The following MYO16 variants were observed in gnomAD, a reference collection of about 807,000 sequenced individuals.
MYO16 encodes unconventional myosin-XVI.
MYO16 carries 94 observed loss-of-function variants against 205.3 expected under a neutral mutation model. The ratio of observed to expected loss-of-function variants is 0.46; its 90% CI spans 0.39 to 0.54. The LOEUF is 0.54. MYO16 is among the 20% of genes least tolerant of loss of function. The pLI is 0.00. For synonymous variants in MYO16, 988 were observed against 954.0 expected (o/e 1.04, Z -0.66); for missense variants, 2,315 against 2,387.5 (o/e 0.97, Z 0.63).
At chr13:108,627,427 T>C (rs575081042), upstream of MYO16, among the ~76,000 whole-genome samples, 1 of 152,308 alleles carries the variant, frequency 6.6e-6, no homozygotes, top group East Asian at 1.9e-4. Flanking sequence ...GTTTTAGAGG[T>C]CTACATTTGT....
chr13:108,927,847 C>G (rs536727926), intron 16 of MYO16, among the ~76,000 whole-genome samples: 2 of 152,310 alleles, frequency 1.3e-5, no homozygotes, highest in South Asian at 4.1e-4. Context: ...ATCTGCACTC[C>G]GGAGTGCCCG....
intron 14 of MYO16, among the ~76,000 whole-genome samples, chr13:108,894,159 G>A (rs1006466579): frequency 1.1e-4 from 16 of 152,048 alleles, no homozygotes; most frequent in African/African-American, 1.5e-4. Flanking sequence ...GATCTCATGC[G>A]AATGCCTTCA....
chr13:109,133,713 G>A (rs1338974445), intron 31 of MYO16, among the ~76,000 whole-genome samples: 4 of 152,100 alleles, frequency 2.6e-5, no homozygotes, highest in Admixed American at 2.6e-4. Flanking sequence ...TCAAGTAGTT[G>A]CAAACATTTT....
At chr13:108,825,092 A>T (rs1230072621) in intron 9 of MYO16, among the ~76,000 whole-genome samples, 2 of 152,106 alleles carry the variant, frequency 1.3e-5, no homozygotes, top group Non-Finnish European at 2.9e-5. Flanking sequence ...ATCAGATAAA[A>T]ATATCAGATA....
At chr13:109,115,480 A>T (rs1173106490) in intron 28 of MYO16, among the ~76,000 whole-genome samples, 1 of 152,204 alleles carries the variant, frequency 6.6e-6, no homozygotes, top group Non-Finnish European at 1.5e-5. Context: ...TGCATCTAGC[A>T]GTGCACAGGG....
At chr13:109,170,273 C>T (rs1291095707) in intron 33 of MYO16, among the ~76,000 whole-genome samples, 3 of 151,932 alleles carry the variant, frequency 2.0e-5, no homozygotes, top group East Asian at 3.9e-4. Context: ...CTTAGAAAAA[C>T]AATTTTAATG....
chr13:108,671,369 G>A (rs1012777418), intron 2 of MYO16, among the ~76,000 whole-genome samples: 3 of 152,132 alleles, frequency 2.0e-5, no homozygotes, highest in African/African-American at 7.2e-5. Flanking sequence ...ATGCTATATT[G>A]TTAATGCCTT....
At chr13:108,627,606 C>T (rs139618147), upstream of MYO16, among the ~76,000 whole-genome samples, 688 of 152,204 alleles carry the variant, frequency 4.5e-3, 6 homozygotes, top group African/African-American at 0.014. Context: ...TGATAATGAG[C>T]CCCTGGAGAT....
intron 20 of MYO16, among the ~76,000 whole-genome samples, chr13:108,990,538 T>A (rs1049110418): frequency 6.6e-6 from 1 of 152,212 alleles, no homozygotes; most frequent in Admixed American, 6.5e-5. Context: ...GCATTTGTTT[T>A]CTTATACCAT....
In MYO16 at chr13:109,100,867, T is replaced by G; in HGVS notation, c.3418T>G (p.Cys1140Gly). The G allele has an allele frequency of 1.2e-6, 2 of 1,612,920 alleles. No individual in the cohort carries two copies. The highest frequency in any genetic ancestry group is 1.7e-6 in the Non-Finnish European group (2 of 1,179,012). Residue 1140 changes from cysteine to glycine, a missense_variant, in exon 28 of 35, where the codon TGT becomes GGT. Transcript: ENST00000457511. ...GCGATGTCGACTTGTTCTCCAGCAGTGTAAATTACAAGGCTGGCAGGTTGG... is the reference window on the plus strand; with the variant it reads ...GCGATGTCGACTTGTTCTCCAGCAGGGTAAATTACAAGGCTGGCAGGTTGG... ...AERCRLVLQQ[C>G]KLQGWQMGVR...
At chr13:108,671,231 A>C (rs1267295193) in intron 2 of MYO16, among the ~76,000 whole-genome samples, 1 of 152,216 alleles carries the variant, frequency 6.6e-6, no homozygotes, top group East Asian at 1.9e-4. Context: ...TAAGGTGCTC[A>C]AAGTGATAGG....
Position 108,632,383 on chromosome 13 carries a change from C to G in MYO16, c.28+2511C>G, listed in dbSNP as rs115275382. Among the ~76,000 whole-genome samples the G allele has an allele frequency of 3.6e-3, 550 of 152,258 alleles. 3 individuals are homozygous for G. Among genetic ancestry groups the G allele is most frequent in the African/African-American group, 0.013 (539 of 41,554 alleles). On this transcript the variant is annotated intron_variant, in intron 1 of 34. Transcript: ENST00000457511. ...AAGTGGATGAATTCCAGGGCAGGAG[C>G]AGGACCTTCTGAAATGTGCAACATT...
intron 4 of MYO16, among the ~76,000 whole-genome samples, chr13:108,764,679 T>C (rs914237567): frequency 2.4e-4 from 36 of 152,160 alleles, no homozygotes; most frequent in African/African-American, 8.4e-4. Context: ...GAACCCATGA[T>C]TTCTTTTCTT....
At chr13:109,114,040 A>G (rs1296078566) in intron 28 of MYO16, among the ~76,000 whole-genome samples, 1 of 152,196 alleles carries the variant, frequency 6.6e-6, no homozygotes, top group Non-Finnish European at 1.5e-5. Flanking sequence ...AAGTAAGAGG[A>G]GAATTCAGTG....
At chr13:109,007,820 C>G (rs1040751975) in intron 21 of MYO16, among the ~76,000 whole-genome samples, 1 of 151,884 alleles carries the variant, frequency 6.6e-6, no homozygotes, top group Non-Finnish European at 1.5e-5. Flanking sequence ...ATAATTTCTT[C>G]AATATAATGA....
intron 10 of MYO16, among the ~76,000 whole-genome samples, chr13:108,849,619 TTG>T (rs60404877): frequency 0.059 from 4,932 of 83,730 alleles, 319 homozygotes; most frequent in East Asian, 0.13. Flanking sequence ...ATTTCCTCTT[TTG>T]TGTGTGTGTG....
At chr13:109,128,270 C>T (rs554776939) in intron 31 of MYO16, among the ~76,000 whole-genome samples, 5 of 152,200 alleles carry the variant, frequency 3.3e-5, no homozygotes, top group Admixed American at 6.5e-5. Flanking sequence ...CATTCTAGTG[C>T]GGCAAAACAG....
intron 9 of MYO16, among the ~76,000 whole-genome samples, chr13:108,837,100 G>C (rs1273484615): frequency 1.3e-5 from 2 of 152,176 alleles, no homozygotes; most frequent in African/African-American, 4.8e-5. Flanking sequence ...CCCACGTGTG[G>C]TGGGAGGGAT....
chr13:108,625,814 T>C (rs1192034921), upstream of MYO16, among the ~76,000 whole-genome samples: 4 of 152,210 alleles, frequency 2.6e-5, no homozygotes, highest in East Asian at 1.9e-4. Flanking sequence ...CTTTCCCAAA[T>C]TGGTGATGTT....
Sources: allele counts gnomAD v4.1 joint callset (sites outside exome capture counted in the v4.1 genomes callset), GRCh38; gene constraint gnomAD v4.1.1; transcripts MANE v1.5; gene names NCBI Gene and HGNC (gene_info 2026-07-23, HGNC 2026-07-21).